The following MXRA5 variants were observed in gnomAD, a reference collection of about 807,000 sequenced individuals.
The protein encoded by MXRA5 is matrix remodeling associated 5.
In MXRA5, 41 loss-of-function variants were observed where a neutral mutation model predicts 112.5. The observed-to-expected ratio is 0.36, with a 90% confidence interval of 0.28 to 0.47. The LOEUF (loss-of-function observed/expected upper bound fraction) is 0.47, where lower values mean the gene tolerates loss of function less well. Ranked by LOEUF, MXRA5 falls within the 20% of genes least tolerant of loss-of-function variation. MXRA5 has a pLI of 0.99. For missense variants in MXRA5, 2,150 were observed against 2,251.0 expected (o/e 0.96, Z 0.91); for synonymous variants, 862 against 900.8 (o/e 0.96, Z 0.77).
intron 2 of MXRA5, among the ~76,000 whole-genome samples, chrX:3,336,991 A>G (rs1396884927): frequency 8.9e-6 from 1 of 111,988 alleles, no homozygotes; most frequent in East Asian, 2.8e-4. Flanking sequence ...CTCTCTTAGC[A>G]AGAAGCATGA....
rs777196553 is a variant in MXRA5, at chrX:3,320,825, C to G, written c.4860G>C (p.Arg1620Ser). ...CGCTTTGTGTGGACATTTCAGGCAG[C>G]CTCACTGTTGCTGTTGGTAGGATGG... ...AKPILPTATV[R>S]LPEMSTQSAS... The change falls in exon 5 of 7, where the codon AGG becomes AGC. Residue 1620 changes from arginine (R) to serine (S), a missense_variant. This residue lies in a region of MXRA5 where 1,485 missense variants were observed against 1,471.6 expected (regional missense o/e 1.01). Coordinates refer to ENST00000217939, the MANE Select transcript of MXRA5 (RefSeq NM_015419.4). The G allele has an allele frequency of 2.5e-6, 3 of 1,210,215 alleles. No homozygotes were observed. The Admixed American group carries it at 6.6e-5, about 26-fold the overall frequency.
rs867759198 is a variant in MXRA5 at position 3,321,360 on chromosome X, G to A, written c.4325C>T (p.Thr1442Ile). 8.3e-7 allele frequency: 1 copy of A among 1,211,890 alleles called. No individual in the cohort carries two copies. Among genetic ancestry groups the A allele is most frequent in the Non-Finnish European group, 1.1e-6 (1 of 895,428 alleles). The change falls in exon 5 of 7, where the codon ACT becomes ATT. Residue 1442 changes from threonine (T) to isoleucine (I), a missense_variant. Thr to Ile is a moderately conservative substitution (Grantham distance 89). Coordinates refer to ENST00000217939, the MANE Select transcript of MXRA5 (RefSeq NM_015419.4). ...FHQEEAGSST[T>I]LSSIKVEVAS... ...CACCTCCACTTTTATGCTTGAGAGA[G>A]TTGTGGAAGAACCAGCTTCTTCCTG...
intron 6 of MXRA5, among the ~76,000 whole-genome samples, chrX:3,315,710 T>A (rs1340688977): frequency 3.6e-5 from 4 of 111,196 alleles, no homozygotes; most frequent in Admixed American, 1.9e-4. Context: ...GTGGCTTGGC[T>A]TTCTTCATAG....
Position 3,324,838 on chromosome X carries a change from G to A in MXRA5, c.847C>T (p.Pro283Ser), listed in dbSNP as rs1198993690. ...MTCLKPSIES[P>S]LRQNRSRSIE... ...CTCCTGCTCCTGTTCTGTCTCAGAG[G>A]GGACTCTATTGAAGGCTTCAGACAA... Residue 283 changes from proline (P) to serine (S), a missense_variant, in exon 5 of 7, where the codon CCT becomes TCT. By Grantham distance (74) the Pro-to-Ser change is moderately conservative (BLOSUM62 -1). Around this residue, in one of 6 missense-constraint regions of MXRA5, gnomAD observed 386 missense variants for 411.0 expected, o/e 0.94. Coordinates refer to ENST00000217939, the MANE Select transcript of MXRA5 (RefSeq NM_015419.4). 3.3e-6 allele frequency: 4 copies of A among 1,211,525 alleles called. No homozygotes were observed. The highest frequency in any genetic ancestry group is 4.5e-6 in the Non-Finnish European group (4 of 895,408).
At chrX:3,343,438 A>G (rs776739349) in intron 2 of MXRA5, among the ~76,000 whole-genome samples, 4 of 112,476 alleles carry the variant, frequency 3.6e-5, no homozygotes, top group African/African-American at 1.3e-4. Flanking sequence ...GCTGATGGAT[A>G]TATTGAGATA....
chrX:3,326,027 A>ATATATATAAATTTATATATAAATATATT (rs1569184840), intron 4 of MXRA5, among the ~76,000 whole-genome samples: 2 of 72,047 alleles, frequency 2.8e-5, no homozygotes, highest in Admixed American at 2.1e-4. Flanking sequence ...TATGTATTTT[A>ATATATATAAATTTATATATAAATATATT]TATATAAATT....
intron 6 of MXRA5, among the ~76,000 whole-genome samples, chrX:3,316,028 ATCCGAGTTTAGAGGG>A (rs1921109130): frequency 5.4e-5 from 1 of 18,613 alleles, no homozygotes; most frequent in African/African-American, 2.8e-4. Flanking sequence ...TTTGTTCTGG[ATCCGAGTTTAGAGGG>A]ACAAAATTTC....
chrX:3,341,751 C>A (rs185682210), intron 2 of MXRA5, among the ~76,000 whole-genome samples: 1,521 of 94,923 alleles, frequency 0.016, 39 homozygotes, highest in African/African-American at 0.056. Flanking sequence ...AGGGCTCCAC[C>A]AAGGCCTGGC....
intron 4 of MXRA5, among the ~76,000 whole-genome samples, chrX:3,325,287 T>A (rs1199868011): frequency 4.5e-5 from 5 of 111,083 alleles, no homozygotes; most frequent in Non-Finnish European, 9.4e-5. Context: ...TTCATTCACA[T>A]ACATTTTACA....
chrX:3,312,377 T>C (rs1488198102), intron 6 of MXRA5, among the ~76,000 whole-genome samples: 4 of 111,907 alleles, frequency 3.6e-5, no homozygotes, highest in Non-Finnish European at 5.6e-5. Flanking sequence ...GATAGGAAAA[T>C]CTTCATTATG....
chrX:3,311,304 C>G lies in MXRA5; in HGVS notation c.6899G>C (p.Arg2300Pro), dbSNP rs776590689. Residue 2300 changes from arginine (R) to proline (P), a missense_variant, in exon 7 of 7, where the codon CGC becomes CCC. By Grantham distance (103) the Arg-to-Pro change is moderately radical. Coordinates refer to ENST00000217939, the MANE Select transcript of MXRA5 (RefSeq NM_015419.4). Reference protein sequence around the residue: ...QSDDSGGRTKRYVVFNNGTLY... With the variant: ...QSDDSGGRTKPYVVFNNGTLY... ...TGTCCCATTGTTGAAGACGACATAGCGCTTGGTGCGTCCACCGCTGTCATC... is the reference window on the plus strand; with the variant it reads ...TGTCCCATTGTTGAAGACGACATAGGGCTTGGTGCGTCCACCGCTGTCATC... 8.3e-7 allele frequency: 1 copy of G among 1,211,716 alleles called. No individual in the cohort carries two copies. Among genetic ancestry groups the G allele is most frequent in the African/African-American group, 1.7e-5 (1 of 57,773 alleles).
Position 3,323,110 on chromosome X carries a change from A to T in MXRA5, c.2575T>A (p.Ser859Thr). 4.1e-6 allele frequency: 5 copies of T among 1,211,627 alleles called. No individual in the cohort carries two copies. Among genetic ancestry groups the T allele is most frequent in the Non-Finnish European group, 5.6e-6 (5 of 895,522 alleles). Residue 859 changes from serine (S) to threonine (T), a missense_variant, in exon 5 of 7, where the codon TCC becomes ACC. Physicochemically the swap from Ser to Thr is moderately conservative, Grantham distance 58. Around this residue, in one of 6 missense-constraint regions of MXRA5, gnomAD observed 1,485 missense variants for 1,471.6 expected, o/e 1.01. Coordinates refer to ENST00000217939, the MANE Select transcript of MXRA5 (RefSeq NM_015419.4). ...TGTTCTAGCCCCATGCTGGCTGAGG[A>T]AATGGTACCCAAAACGTGCTCTTCT... Reference protein sequence around the residue: ...GEEEHVLGTISSASMGLEHNH... With the variant: ...GEEEHVLGTITSASMGLEHNH...
chrX:3,332,571 G>T (rs1569186594), intron 2 of MXRA5, among the ~76,000 whole-genome samples: 1 of 112,227 alleles, frequency 8.9e-6, no homozygotes, highest in Non-Finnish European at 1.9e-5. Flanking sequence ...ATAAATTTAT[G>T]CAAAGAAAAC....
At chrX:3,314,437 G>A (rs1321679795) in intron 6 of MXRA5, among the ~76,000 whole-genome samples, 1 of 111,256 alleles carries the variant, frequency 9.0e-6, no homozygotes, top group Non-Finnish European at 1.9e-5. Context: ...CTCCTTGGTT[G>A]CAAACAACTG....
rs554844769 is a variant in MXRA5 at position 3,340,994 on chromosome X, C to T, written c.188+2652G>A. ...TGTATAATAGATATATATTATATATCATGTATAATATATATTATACATGAT... is the reference window on the plus strand; with the variant it reads ...TGTATAATAGATATATATTATATATTATGTATAATATATATTATACATGAT... On this transcript the variant is annotated intron_variant, in intron 2 of 6. Transcript: ENST00000217939. Among the ~76,000 whole-genome samples the T allele has an allele frequency of 2.3e-3, 159 of 70,521 alleles. 1 individual carries two copies. Among genetic ancestry groups the T allele is most frequent in the Non-Finnish European group, 3.9e-3 (144 of 36,952 alleles). 61.2% of individuals were successfully genotyped at this position (70,521 alleles called of 115,157 possible).
rs192925427 is a variant in MXRA5 at position 3,320,898 on chromosome X, T to A, written c.4787A>T (p.Asp1596Val). Residue 1596 changes from aspartate to valine, a missense_variant, in exon 5 of 7, where the codon GAT becomes GTT. Coordinates refer to ENST00000217939, the MANE Select transcript of MXRA5 (RefSeq NM_015419.4). ...LPRGPDSQRQ[D>V]GRVHASHQLT... ...TTGATGAGAAGCATGAACTCTTCCA[T>A]CCTGGCGTTGGCTATCTGGGCCACG... is the stretch of plus-strand genomic sequence containing the variant. 3 of 1,211,908 alleles carry A rather than the reference T, an allele frequency of 2.5e-6. No homozygotes were observed. In the Admixed American group the frequency reaches 6.5e-5, roughly 26 times the overall value.
Position 3,324,410 on chromosome X carries a change from A to C in MXRA5, c.1275T>G (p.Ile425Met). 2.5e-6 allele frequency: 3 copies of C among 1,211,447 alleles called. No homozygotes were observed. The highest frequency in any genetic ancestry group is 3.4e-6 in the Non-Finnish European group (3 of 895,463). Residue 425 changes from isoleucine to methionine, a missense_variant, in exon 5 of 7, where the codon ATT becomes ATG. Physicochemically the swap from Ile to Met is conservative, Grantham distance 10 (BLOSUM62 1). Transcript: ENST00000217939. ...GCATGACCCATTCTGGTTCTGCAAG[A>C]ATCTGGGCTCTCACACCTGTGTAGT... ...ALYYTGVRAQ[I>M]LAEPEWVMQP...
rs1195429443 is a variant in MXRA5 at position 3,317,408 on chromosome X, G to A, written c.6273C>T (p.Pro2091=). 5.0e-6 allele frequency: 6 copies of A among 1,205,735 alleles called. No individual in the cohort carries two copies. The highest frequency in any genetic ancestry group is 1.8e-5 in the South Asian group (1 of 55,981). ...WVLGDGTQIR[P]SQFLHGNLFV... ...ACAAGTTCCCGTGGAGGAACTGCGA[G>A]GGGCGGATCTGGGTACCGTCCCCGA... is the stretch of plus-strand genomic sequence containing the variant. The change falls in exon 6 of 7, where the codon CCC becomes CCT. Residue 2091 remains proline (P), a synonymous_variant. Transcript: ENST00000217939.
chrX:3,341,030 T>TAATATATTATAC (rs1921909987), intron 2 of MXRA5, among the ~76,000 whole-genome samples: 2 of 77,919 alleles, frequency 2.6e-5, no homozygotes, highest in Non-Finnish European at 4.6e-5. Flanking sequence ...ATATATAATG[T>TAATATATTATAC]ATAATATATA....
Sources: gnomAD v4.1 joint callset for allele counts (sites outside exome capture counted in the v4.1 genomes callset) on GRCh38, gnomAD v4.1.1 for gene constraint, gnomAD v4.1.1 regional missense constraint, MANE v1.5 for transcripts, NCBI Gene and HGNC (gene_info 2026-07-23, HGNC 2026-07-21) for gene names.